The following ELOVL5 variants were observed in gnomAD, a reference collection of about 807,000 sequenced individuals.
ELOVL5 encodes very long chain fatty acid elongase 5.
A neutral mutation model predicts 38.6 loss-of-function variants in ELOVL5; 8 were observed. The ratio of observed to expected loss-of-function variants is 0.21; its 90% CI spans 0.12 to 0.37. ELOVL5 has a LOEUF of 0.37. Among genes scored for constraint, ELOVL5 ranks in the 10% least tolerant of loss-of-function variants. The probability of loss-of-function intolerance (pLI) is 1.00; values close to 1 mark genes in which losing one functional copy is unlikely to be tolerated. For synonymous variants in ELOVL5, 127 were observed against 133.7 expected, an observed-to-expected ratio of 0.95 and a Z score of 0.34; for missense variants, 280 against 367.8, an observed-to-expected ratio of 0.76 and a Z score of 1.95.
intron 4 of ELOVL5, 62 bp downstream of exon 4, chr6:53,276,117 T>C (rs533421294): frequency 5.9e-6 from 7 of 1,177,000 alleles, no homozygotes; most frequent in Non-Finnish European, 8.7e-6. Flanking sequence ...TTGTATTTTA[T>C]ACAATTTATT....
At chr6:53,271,040 A>G (rs1300002944) in intron 6 of ELOVL5, among the ~76,000 whole-genome samples, 1 of 152,208 alleles carries the variant, frequency 6.6e-6, no homozygotes, top group Non-Finnish European at 1.5e-5. Context: ...GCAAGTGTGT[A>G]TGTTGAAAGG....
At chr6:53,292,386 T>C (rs1766809314) in intron 2 of ELOVL5, among the ~76,000 whole-genome samples, 1 of 152,246 alleles carries the variant, frequency 6.6e-6, no homozygotes, top group Non-Finnish European at 1.5e-5. Context: ...GGCCAGCACA[T>C]GCAGACTCAG....
chr6:53,269,596 G>A (rs1485372452), intron 7 of ELOVL5, among the ~76,000 whole-genome samples: 1 of 152,178 alleles, frequency 6.6e-6, no homozygotes, highest in African/African-American at 2.4e-5. Flanking sequence ...GGGTTATGTG[G>A]CCAAATTGGT....
chr6:53,316,440 G>C (rs947765143), intron 1 of ELOVL5, among the ~76,000 whole-genome samples: 1 of 152,136 alleles, frequency 6.6e-6, no homozygotes, highest in African/African-American at 2.4e-5. Flanking sequence ...TGCTAGTGGG[G>C]ATCAGACAGA....
At chr6:53,294,807 A>G (rs541268205) in intron 2 of ELOVL5, among the ~76,000 whole-genome samples, 1 of 152,290 alleles carries the variant, frequency 6.6e-6, no homozygotes, top group South Asian at 2.1e-4. Context: ...GAGCATCCTG[A>G]TATGTATCAT....
rs1443911047 is a variant in ELOVL5, at chr6:53,348,885, G to T, written c.-77C>A. 4 of 454,964 alleles carry T rather than the reference G, an allele frequency of 8.8e-6. No homozygotes were observed. The highest frequency in any genetic ancestry group is 6.1e-5 in the African/African-American group (3 of 49,478). The allele number at this position is 454,964 out of a possible 1,614,324, so 28.2% of individuals were successfully genotyped here. On this transcript the variant is annotated 5_prime_UTR_variant, in exon 1 of 8. Coordinates refer to ENST00000304434, the MANE Select transcript of ELOVL5 (RefSeq NM_021814.5). Reference sequence around the variant, plus strand: ...CGGCGGCGGCGGAGGGAGCGCGGGTGGCAGCCGGCGCAGAGGCGGATGTAG... The same window carrying T: ...CGGCGGCGGCGGAGGGAGCGCGGGTTGCAGCCGGCGCAGAGGCGGATGTAG...
chr6:53,322,896 C>T (rs1427047648), intron 1 of ELOVL5, among the ~76,000 whole-genome samples: 1 of 152,218 alleles, frequency 6.6e-6, no homozygotes, highest in Admixed American at 6.5e-5. Context: ...TAATATTCTT[C>T]CTTTATTGAG....
intron 1 of ELOVL5, among the ~76,000 whole-genome samples, chr6:53,303,644 A>C (rs1767357918): frequency 6.6e-6 from 1 of 152,224 alleles, no homozygotes; most frequent in African/African-American, 2.4e-5. Context: ...CGGCTGAAGA[A>C]GGCAGAACAA....
intron 1 of ELOVL5, among the ~76,000 whole-genome samples, chr6:53,304,560 G>A (rs956287165): frequency 4.6e-5 from 7 of 152,204 alleles, no homozygotes; most frequent in African/African-American, 1.7e-4. Flanking sequence ...AGTGAACAAA[G>A]GTCTCTGGTT....
At chr6:53,302,047 C>T (rs972861028) in intron 1 of ELOVL5, among the ~76,000 whole-genome samples, 6 of 152,168 alleles carry the variant, frequency 3.9e-5, no homozygotes, top group African/African-American at 1.4e-4. Context: ...ATGTACTATA[C>T]TAAGTGTTGT....
chr6:53,330,973 C>T (rs1768777434), intron 1 of ELOVL5, among the ~76,000 whole-genome samples: 4 of 152,190 alleles, frequency 2.6e-5, no homozygotes. Context: ...TTCAGGAATA[C>T]CTCCTGAAAG....
chr6:53,308,744 C>T (rs1021589275), intron 1 of ELOVL5, among the ~76,000 whole-genome samples: 2 of 151,982 alleles, frequency 1.3e-5, no homozygotes, highest in African/African-American at 4.8e-5. Context: ...ATCACCCAGA[C>T]GGTATCCATA....
intron 3 of ELOVL5, among the ~76,000 whole-genome samples, chr6:53,291,072 C>T (rs1766755467): frequency 6.6e-6 from 1 of 152,164 alleles, no homozygotes; most frequent in Non-Finnish European, 1.5e-5. Context: ...TTTCCTCCCC[C>T]TTTTAGCTTT....
chr6:53,328,347 A>G (rs1052122647), intron 1 of ELOVL5, among the ~76,000 whole-genome samples: 5 of 152,228 alleles, frequency 3.3e-5, no homozygotes, highest in African/African-American at 4.8e-5. Context: ...GAAATACAGT[A>G]GCTCAACTGT....
chr6:53,284,843 G>C (rs1758063099), intron 3 of ELOVL5, among the ~76,000 whole-genome samples: 1 of 152,024 alleles, frequency 6.6e-6, no homozygotes, highest in Admixed American at 6.5e-5. Context: ...TGTGGTTACT[G>C]AACTTTGATG....
intron 1 of ELOVL5, among the ~76,000 whole-genome samples, chr6:53,341,214 T>C (rs1304932470): frequency 6.6e-6 from 1 of 152,246 alleles, no homozygotes; most frequent in Non-Finnish European, 1.5e-5. Flanking sequence ...TTTCAAGTAT[T>C]GATCATAAAT....
At chr6:53,281,544 T>C (rs1766353466) in intron 3 of ELOVL5, among the ~76,000 whole-genome samples, 1 of 152,224 alleles carries the variant, frequency 6.6e-6, no homozygotes, top group African/African-American at 2.4e-5. Context: ...TTTGAATTCT[T>C]AGTAAGAACA....
intron 1 of ELOVL5, among the ~76,000 whole-genome samples, chr6:53,340,293 G>A (rs560270255): frequency 2.6e-5 from 4 of 152,170 alleles, no homozygotes; most frequent in Non-Finnish European, 5.9e-5. Flanking sequence ...TAGAGATGGA[G>A]TCTTGTGATA....
intron 3 of ELOVL5, chr6:53,290,312 T>C (rs563678090): frequency 1.3e-5 from 2 of 152,386 alleles, no homozygotes; most frequent in South Asian, 2.1e-4. Context: ...AATATTGCCA[T>C]GTATAATAAT....
Sources: allele counts gnomAD v4.1 joint callset (sites outside exome capture counted in the v4.1 genomes callset), GRCh38; gene constraint gnomAD v4.1.1; transcripts MANE v1.5; gene names NCBI Gene and HGNC (gene_info 2026-07-23, HGNC 2026-07-21).